PREPL: variants seen among roughly 807,000 people sequenced by gnomAD.
The protein encoded by PREPL is prolyl endopeptidase-like.
Under a neutral mutation model 70.6 loss-of-function variants are expected in PREPL, and 77 were observed. The ratio of observed to expected loss-of-function variants is 1.09; its 90% CI spans 0.91 to 1.32. The LOEUF (loss-of-function observed/expected upper bound fraction) is 1.32. PREPL is among the 40% of genes most tolerant of loss of function. PREPL has a pLI of 0.00. For missense variants in PREPL, 1,002 were observed against 778.2 expected, an observed-to-expected ratio of 1.29 and a Z score of -3.42; for synonymous variants, 315 against 264.8, an observed-to-expected ratio of 1.19 and a Z score of -1.84.
At chr2:44,344,396 A>G in intron 3 of PREPL, 124 bp downstream of exon 3, 1 of 709,974 alleles carries the variant, frequency 1.4e-6, no homozygotes, top group Non-Finnish European at 2.2e-6. Context: ...ACTAGTCATT[A>G]AAAAAAAATT....
intron 6 of PREPL, 66 bp from the exon 7 acceptor site, chr2:44,338,602 CA>C: frequency 1.5e-6 from 2 of 1,314,244 alleles, no homozygotes; most frequent in Non-Finnish European, 2.1e-6. Flanking sequence ...TCCAGAGATG[CA>C]ATCACTGAGA....
In PREPL at chr2:44,318,014, T is replaced by A. The variant is rs1672574462; in HGVS notation, c.*3342A>T. ...GCTATAAACACAAAAAATGAAGTTA[T>A]CTTTTGACCTAATAATTCCATTCCT... On this transcript the variant is annotated 3_prime_UTR_variant, in exon 14 of 14. Transcript: ENST00000409411. 2.8e-6 allele frequency: 1 copy of A among 361,516 alleles called. No homozygotes were observed. The highest frequency in any genetic ancestry group is 2.2e-5 in the African/African-American group (1 of 44,468). 22.4% of individuals were successfully genotyped at this position (361,516 alleles called of 1,614,324 possible). A position where few individuals can be genotyped will look rare whatever the true frequency, so the allele number is the denominator to read the frequency against.
chr2:44,347,209 C>T (rs1458939188), intron 1 of PREPL: 2 of 151,990 alleles, frequency 1.3e-5, no homozygotes, highest in Non-Finnish European at 2.9e-5. Flanking sequence ...GTGGCACACA[C>T]CTGTAGTCCC....
intron 7 of PREPL, among the ~76,000 whole-genome samples, chr2:44,333,554 G>A (rs1250431871): frequency 6.6e-6 from 1 of 151,820 alleles, no homozygotes; most frequent in Non-Finnish European, 1.5e-5. Flanking sequence ...GGATTTGTGC[G>A]TAAAGGGGAT....
intron 8 of PREPL, among the ~76,000 whole-genome samples, chr2:44,331,223 T>A (rs1020711435): frequency 1.1e-4 from 17 of 152,000 alleles, no homozygotes; most frequent in African/African-American, 4.1e-4. Flanking sequence ...GATTACAAGT[T>A]TGAGCCACTG....
chr2:44,351,089 ATTTTTTTT>A (rs112509073), intron 1 of PREPL, among the ~76,000 whole-genome samples: 1 of 136,556 alleles, frequency 7.3e-6, no homozygotes, highest in Non-Finnish European at 1.6e-5. Flanking sequence ...ACGCTGGCTA[ATTTTTTTT>A]TTTTTTTTTG....
At chr2:44,347,018 C>G (rs1354643028) in intron 1 of PREPL, among the ~76,000 whole-genome samples, 1 of 152,026 alleles carries the variant, frequency 6.6e-6, no homozygotes, top group African/African-American at 2.4e-5. Flanking sequence ...AGCCCCAAAA[C>G]AGAACTGTTT....
rs746903432 is a variant in PREPL at position 44,346,421 on chromosome 2, T to C, written c.-48-31A>G. 22 of 1,602,510 alleles carry C rather than the reference T, an allele frequency of 1.4e-5. No individual in the cohort carries two copies. The Admixed American group carries it at 3.5e-4, about 25-fold the overall frequency. ...AAAAGTTTTGTTATGATCAAAATAT[T>C]TCAAACTAGGGAAAAAAAACTTTTG... On this transcript the variant is annotated intron_variant, in intron 1 of 13. Transcript: ENST00000409411.
At chr2:44,358,802 G>A (rs1048485871) in intron 1 of PREPL, among the ~76,000 whole-genome samples, 6 of 151,984 alleles carry the variant, frequency 3.9e-5, no homozygotes, top group African/African-American at 7.3e-5. Flanking sequence ...GGTCAAAAAC[G>A]CAAGATTATT....
intron 1 of PREPL, among the ~76,000 whole-genome samples, chr2:44,356,896 C>T (rs988664173): frequency 1.4e-5 from 2 of 141,162 alleles, no homozygotes; most frequent in African/African-American, 6.4e-5. Flanking sequence ...CCTCGACCTC[C>T]CAGGCTGAAT....
At chr2:44,348,460 T>C (rs886262394) in intron 1 of PREPL, among the ~76,000 whole-genome samples, 1 of 152,218 alleles carries the variant, frequency 6.6e-6, no homozygotes, top group Non-Finnish European at 1.5e-5. Context: ...ATTAAAACTT[T>C]TGAAGTAGAG....
Position 44,339,266 on chromosome 2 carries a change from T to C in PREPL, c.583A>G (p.Ser195Gly). ...ATAAGTACTGGTGGGTCCCAAGGGC[T>C]CAGGCCATCTATCAACCACACTTCA... is the stretch of plus-strand genomic sequence containing the variant. ...TSEVWLIDGL[S>G]PWDPPVLIQK... is the part of the protein sequence containing the mutation. Residue 195 changes from serine (S) to glycine (G), a missense_variant, in exon 6 of 14, where the codon AGC (serine) becomes GGC (glycine). Ser to Gly is a moderately conservative substitution (Grantham distance 56, BLOSUM62 0). Transcript: ENST00000409411. The C allele has an allele frequency of 1.9e-6, 3 of 1,614,096 alleles. No homozygotes were observed. In the African/African-American group the frequency reaches 4.0e-5, roughly 22 times the overall value.
intron 10 of PREPL, among the ~76,000 whole-genome samples, chr2:44,325,675 G>C (rs1255831212): frequency 6.6e-6 from 1 of 151,830 alleles, no homozygotes. Context: ...TTTGTGCATA[G>C]GCTATTCTCC....
At chr2:44,348,973 A>C (rs1434973403) in intron 1 of PREPL, among the ~76,000 whole-genome samples, 1 of 152,188 alleles carries the variant, frequency 6.6e-6, no homozygotes, top group East Asian at 1.9e-4. Flanking sequence ...TTTCAAAGGC[A>C]TATACTACCC....
intron 4 of PREPL, 72 bp from the exon 5 acceptor site, chr2:44,342,624 C>T (rs1675356476): frequency 8.6e-6 from 10 of 1,157,932 alleles, no homozygotes; most frequent in Admixed American, 6.9e-5. Context: ...AAGCACAGCA[C>T]ATTCTAATTT....
rs575291393 is a variant in PREPL, at chr2:44,337,642, C to T, written c.888+709G>A. On this transcript the variant is annotated intron_variant, in intron 7 of 13. Transcript: ENST00000409411. Reference sequence around the variant, plus strand: ...AACAAAATGGAAGCCATCCTCTTCCCTTCAGTGCCTACTACCTCAACTCAC... The same window carrying T: ...AACAAAATGGAAGCCATCCTCTTCCTTTCAGTGCCTACTACCTCAACTCAC... 2.0e-5 allele frequency among the ~76,000 whole-genome samples: 3 copies of T among 152,310 alleles called. No homozygotes were observed. In the South Asian group the frequency reaches 6.2e-4, roughly 32 times the overall value.
Position 44,319,337 on chromosome 2 carries a change from T to C in PREPL, c.*2019A>G, listed in dbSNP as rs184130986. ...CATTATGTATCAAGTGCCCATACTCTTTGACAAAGTAACTGTCTTTCTGAT... is the reference window on the plus strand; with the variant it reads ...CATTATGTATCAAGTGCCCATACTCCTTGACAAAGTAACTGTCTTTCTGAT... On this transcript the variant is annotated 3_prime_UTR_variant, in exon 14 of 14. Transcript: ENST00000409411. 6.0e-4 allele frequency: 91 copies of C among 152,348 alleles called. No homozygotes were observed. Among genetic ancestry groups the C allele is most frequent in the African/African-American group, 2.1e-3 (89 of 41,554 alleles). 9.4% of individuals were successfully genotyped at this position (152,348 alleles called of 1,614,324 possible). A position where few individuals can be genotyped will look rare whatever the true frequency, so the allele number is the denominator to read the frequency against.
Position 44,332,473 on chromosome 2 carries a change from C to T in PREPL, c.1072G>A (p.Glu358Lys). 6.2e-7 allele frequency: 1 copy of T among 1,613,816 alleles called. No individual in the cohort carries two copies. The highest frequency in any genetic ancestry group is 1.3e-5 in the African/African-American group (1 of 75,016). ...ITKTSRVLRL[E>K]AKSKDGKLVP... ...ATAAGACCTACCTTGCTTTTGGCTTCTAGACGTAAAACGCGACTAGTCTTT... is the reference window on the plus strand; with the variant it reads ...ATAAGACCTACCTTGCTTTTGGCTTTTAGACGTAAAACGCGACTAGTCTTT... The change falls in exon 8 of 14, where the codon GAA (glutamate) becomes AAA (lysine). Residue 358 changes from glutamate (E) to lysine (K), a missense_variant. Physicochemically the swap from Glu to Lys is moderately conservative, Grantham distance 56. Coordinates refer to ENST00000409411, the MANE Select transcript of PREPL (RefSeq NM_001171613.2).
chr2:44,339,443 G>A, intron 5 of PREPL, 80 bp from the exon 6 acceptor site: 2 of 1,555,066 alleles, frequency 1.3e-6, no homozygotes, highest in South Asian at 1.2e-5. Context: ...TCTCAGAGGT[G>A]GTCAGTATAC....
Sources: gnomAD v4.1 joint callset for allele counts (sites outside exome capture counted in the v4.1 genomes callset) on GRCh38, gnomAD v4.1.1 for gene constraint, MANE v1.5 for transcripts, NCBI Gene and HGNC (gene_info 2026-07-23, HGNC 2026-07-21) for gene names.